The following ZNF345 variants were observed in gnomAD, a reference collection of about 807,000 sequenced individuals.
ZNF345 encodes zinc finger protein HZF10.
For missense variants in ZNF345, 527 were observed against 589.9 expected, an observed-to-expected ratio of 0.89 and a Z score of 1.10; for synonymous variants, 166 against 187.9, an observed-to-expected ratio of 0.88 and a Z score of 0.95.
intron 3 of ZNF345, among the ~76,000 whole-genome samples, chr19:36,886,187 T>C (rs570008105): frequency 6.6e-6 from 1 of 152,338 alleles, no homozygotes; most frequent in African/African-American, 2.4e-5. Context: ...AAATCTCCAG[T>C]ACAGAATTCT....
chr19:36,879,858 A>C (rs1405276117), downstream of ZNF345, among the ~76,000 whole-genome samples: 1 of 152,208 alleles, frequency 6.6e-6, no homozygotes, highest in Non-Finnish European at 1.5e-5. Flanking sequence ...ATCACATAAT[A>C]AATGCTTAGT....
chr19:36,852,713 A>G (rs2072311138), intron 2 of ZNF345, among the ~76,000 whole-genome samples: 1 of 152,144 alleles, frequency 6.6e-6, no homozygotes, highest in Non-Finnish European at 1.5e-5. Context: ...AGCAGTTTAC[A>G]AGAGTTTTCT....
rs73933145 is a variant in ZNF345, at chr19:36,867,409, G to A, written c.-46-9376G>A. Reference sequence around the variant, plus strand: ...ATTTAGTATAAATTCAGTGGTATTTGCTGTATTCACAATATTGTGCAACTA... The same window carrying A: ...ATTTAGTATAAATTCAGTGGTATTTACTGTATTCACAATATTGTGCAACTA... On this transcript the variant is annotated intron_variant, in intron 2 of 2. Transcript: ENST00000420450. Among the ~76,000 whole-genome samples, 1,075 of 152,178 alleles carry A rather than the reference G, an allele frequency of 7.1e-3. 16 individuals carry two copies. The highest frequency in any genetic ancestry group is 0.025 in the African/African-American group (1,022 of 41,524).
rs549666974 is a variant in ZNF345, at chr19:36,867,128, T to C, written c.-46-9657T>C. On this transcript the variant is annotated intron_variant, in intron 2 of 2. Transcript: ENST00000420450. ...GTGGTCTACTTCCAACAGTGTATAT[T>C]TGCCGCCGCCTTTGCCACGTTTTTC... 2.6e-5 allele frequency among the ~76,000 whole-genome samples: 4 copies of C among 152,328 alleles called. No individual in the cohort carries two copies. In the East Asian group the frequency reaches 7.7e-4, roughly 29 times the overall value.
In ZNF345 at chr19:36,878,168, A is replaced by T; in HGVS notation, c.1338A>T (p.Arg446Ser). Residue 446 changes from arginine (R) to serine (S), a missense_variant, in exon 3 of 3, where the codon AGA becomes AGT. By Grantham distance (110) the Arg-to-Ser change is moderately radical (BLOSUM62 -1). Transcript: ENST00000420450. ...GCTCAAGCCTTACTCAGCATCAGAG[A>T]ATTCATACAGGTGAGAAACTTTATG... The part of the protein sequence containing the change: ...YSGSSLTQHQ[R>S]IHTGEKLYEC... 1 of 1,614,174 alleles carries T rather than the reference A, an allele frequency of 6.2e-7. No homozygotes were observed. Among genetic ancestry groups the T allele is most frequent in the Non-Finnish European group, 8.5e-7 (1 of 1,180,024 alleles).
At chr19:36,865,635 A>G (rs530846265) in intron 2 of ZNF345, among the ~76,000 whole-genome samples, 21 of 152,062 alleles carry the variant, frequency 1.4e-4, no homozygotes, top group Non-Finnish European at 2.8e-4. Context: ...TACTTTTTGT[A>G]TAGTACTTTT....
chr19:36,862,665 A>G (rs1399088928), intron 2 of ZNF345, among the ~76,000 whole-genome samples: 1 of 139,448 alleles, frequency 7.2e-6, no homozygotes, highest in African/African-American at 3.0e-5. Flanking sequence ...CCCAGTCTCA[A>G]AAAAAAAAAA....
intron 2 of ZNF345, among the ~76,000 whole-genome samples, chr19:36,868,048 G>A (rs1482652512): frequency 6.7e-6 from 1 of 148,774 alleles, no homozygotes. Context: ...TGTCGCCCAG[G>A]CTAGAGTGCA....
chr19:36,887,252 G>A (rs9304876), intron 3 of ZNF345, among the ~76,000 whole-genome samples: 10,483 of 151,972 alleles, frequency 0.069, 906 homozygotes, highest in African/African-American at 0.2. Context: ...TAACCTAAGG[G>A]GAAATGATGA....
At chr19:36,876,073 G>C (rs1399773153) in intron 2 of ZNF345, among the ~76,000 whole-genome samples, 1 of 152,038 alleles carries the variant, frequency 6.6e-6, no homozygotes, top group African/African-American at 2.4e-5. Flanking sequence ...ACCAGATTCT[G>C]TTCCTCTGCT....
intron 2 of ZNF345, among the ~76,000 whole-genome samples, chr19:36,874,926 G>A (rs1056028135): frequency 6.6e-6 from 1 of 152,264 alleles, no homozygotes; most frequent in African/African-American, 2.4e-5. Flanking sequence ...ATAAATGCAC[G>A]TGATCCACTT....
intron 2 of ZNF345, among the ~76,000 whole-genome samples, chr19:36,861,400 A>G (rs1236762643): frequency 6.6e-6 from 1 of 152,214 alleles, no homozygotes; most frequent in Non-Finnish European, 1.5e-5. Context: ...CTGTAGTAGT[A>G]AGAAACCTGG....
rs764966196 is a variant in ZNF345 at position 36,877,392 on chromosome 19, G to T, written c.562G>T (p.Ala188Ser). The T allele has an allele frequency of 1.8e-5, 29 of 1,613,854 alleles. No individual in the cohort carries two copies. In the East Asian group the frequency reaches 6.5e-4, roughly 36 times the overall value. ...ECGKSFSFES[A>S]LIRHHRIHTG... ...TGGGAAGTCCTTTAGTTTTGAATCA[G>T]CCCTTATTCGGCATCACAGAATTCA... Residue 188 changes from alanine (A) to serine (S), a missense_variant, in exon 3 of 3, where the codon GCC (alanine) becomes TCC (serine). Coordinates refer to ENST00000420450, the MANE Select transcript of ZNF345 (RefSeq NM_001242472.2).
intron 2 of ZNF345, among the ~76,000 whole-genome samples, chr19:36,856,239 C>T (rs2072416289): frequency 6.6e-6 from 1 of 152,144 alleles, no homozygotes; most frequent in South Asian, 2.1e-4. Context: ...CATTGTAAAT[C>T]ATTTAGAACC....
chr19:36,868,120 A>G (rs2072698842), intron 2 of ZNF345, among the ~76,000 whole-genome samples: 1 of 150,416 alleles, frequency 6.6e-6, no homozygotes, highest in African/African-American at 2.5e-5. Flanking sequence ...CTCCTGCCTC[A>G]GGCTCCCGAG....
chr19:36,865,915 G>A lies in ZNF345; in HGVS notation c.-46-10870G>A, dbSNP rs147656033. ...TTGGGTTTTATCAAATTCTCTGATT[G>A]TTGTAGACAATTGTGCATTTTTCTC... On this transcript the variant is annotated intron_variant, in intron 2 of 2. Coordinates refer to ENST00000420450, the MANE Select transcript of ZNF345 (RefSeq NM_001242472.2). Among the ~76,000 whole-genome samples the A allele has an allele frequency of 1.7e-3, 266 of 152,204 alleles. 1 individual carries two copies. Among genetic ancestry groups the A allele is most frequent in the African/African-American group, 6.0e-3 (251 of 41,538 alleles).
intron 2 of ZNF345, among the ~76,000 whole-genome samples, chr19:36,868,246 C>T (rs926430281): frequency 2.0e-5 from 3 of 152,146 alleles, no homozygotes; most frequent in African/African-American, 7.2e-5. Flanking sequence ...TTGTGATCCA[C>T]CCGCCTTGGC....
chr19:36,867,951 C>G (rs2146174645), intron 2 of ZNF345, among the ~76,000 whole-genome samples: 1 of 150,930 alleles, frequency 6.6e-6, no homozygotes, highest in South Asian at 2.1e-4. Context: ...CATTGCAGTT[C>G]CATATGGATT....
At chr19:36,886,977 G>C (rs1181129114) in intron 3 of ZNF345, among the ~76,000 whole-genome samples, 12 of 137,072 alleles carry the variant, frequency 8.8e-5, no homozygotes, top group African/African-American at 3.3e-4. Flanking sequence ...TTGGGCGAAA[G>C]AGTGAGACTC....
Sources: allele counts gnomAD v4.1 joint callset (sites outside exome capture counted in the v4.1 genomes callset), GRCh38; gene constraint gnomAD v4.1.1; transcripts MANE v1.5; gene names NCBI Gene and HGNC (gene_info 2026-07-23, HGNC 2026-07-21).